The following CUBN variants were observed in gnomAD, a reference collection of about 807,000 sequenced individuals.
CUBN encodes the protein cubilin.
Under a neutral mutation model 405.3 loss-of-function variants are expected in CUBN, and 282 were observed. The ratio of observed to expected loss-of-function variants is 0.70; its 90% CI spans 0.63 to 0.77. The LOEUF is 0.77. Among genes scored for constraint, CUBN ranks in the 30% least tolerant of loss-of-function variants. CUBN has a pLI of 0.00. For missense variants in CUBN, 4,514 were observed against 4,475.2 expected, an observed-to-expected ratio of 1.01 and a Z score of -0.25; for synonymous variants, 1,684 against 1,617.0, an observed-to-expected ratio of 1.04 and a Z score of -0.99.
chr10:16,874,652 T>C, intron 57 of CUBN, 149 bp from the exon 58 acceptor site: 1 of 954,958 alleles, frequency 1.0e-6, no homozygotes, highest in South Asian at 1.5e-5. Flanking sequence ...CCCTTCATTG[T>C]GTTTACACAT....
chr10:17,063,385 C>A (rs1488917906), intron 22 of CUBN, among the ~76,000 whole-genome samples: 1 of 152,166 alleles, frequency 6.6e-6, no homozygotes, highest in Non-Finnish European at 1.5e-5. Flanking sequence ...CAGCCTTATG[C>A]AGACCAAATA....
chr10:16,965,589 A>AAAC (rs1184576084), intron 31 of CUBN: 1 of 153,016 alleles, frequency 6.5e-6, no homozygotes, highest in Non-Finnish European at 1.5e-5. Context: ...AAAAAAAAAA[A>AAAC]AAACAGGAAT....
At position 17,068,823 on chromosome 10, in the gene CUBN, G is replaced by A; in HGVS notation, c.2626-53C>T. 2.3e-6 allele frequency: 3 copies of A among 1,308,920 alleles called. 1 individual carries two copies. Among genetic ancestry groups the A allele is most frequent in the Non-Finnish European group, 2.2e-6 (2 of 908,752 alleles). The allele number at this position is 1,308,920 out of a possible 1,614,324, so 81.1% of individuals were successfully genotyped here. A position where few individuals can be genotyped will look rare whatever the true frequency, so the allele number is the denominator to read the frequency against. ...ATGTTGTATATCAATTTTGAAAACT[G>A]CTTCAAGAATAATTATTTCTGAAAT... On this transcript the variant is annotated intron_variant, in intron 19 of 66. Coordinates refer to ENST00000377833, the MANE Select transcript of CUBN (RefSeq NM_001081.4).
At chr10:16,882,251 G>T (rs1427369893) in intron 56 of CUBN, among the ~76,000 whole-genome samples, 2 of 152,146 alleles carry the variant, frequency 1.3e-5, no homozygotes, top group Non-Finnish European at 2.9e-5. Flanking sequence ...CACGTCATGG[G>T]ACCGGGAACT....
chr10:17,118,537 A>G (rs1189224552), intron 6 of CUBN, among the ~76,000 whole-genome samples: 1 of 152,192 alleles, frequency 6.6e-6, no homozygotes, highest in Non-Finnish European at 1.5e-5. Flanking sequence ...CCCAGGTTCA[A>G]GCGATCTTCC....
At chr10:16,909,976 G>A (rs372934791) in intron 48 of CUBN, among the ~76,000 whole-genome samples, 18 of 152,322 alleles carry the variant, frequency 1.2e-4, no homozygotes, top group African/African-American at 3.6e-4. Flanking sequence ...TATTAGCTAG[G>A]AAGCAGTGCA....
At chr10:16,913,087 G>C (rs1347951244) in intron 48 of CUBN, among the ~76,000 whole-genome samples, 1 of 152,122 alleles carries the variant, frequency 6.6e-6, no homozygotes, top group African/African-American at 2.4e-5. Context: ...GCCATATAGG[G>C]TGTGAGAGGA....
At chr10:17,020,758 T>C (rs1027326705) in intron 27 of CUBN, among the ~76,000 whole-genome samples, 5 of 152,190 alleles carry the variant, frequency 3.3e-5, no homozygotes, top group African/African-American at 9.6e-5. Context: ...AACCTTGGTG[T>C]AAAATGCCAC....
chr10:17,033,538 G>C (rs1334093634), intron 27 of CUBN, among the ~76,000 whole-genome samples: 3 of 152,190 alleles, frequency 2.0e-5, no homozygotes, highest in African/African-American at 4.8e-5. Flanking sequence ...TTAGGATAGT[G>C]ACAGCCTGAG....
chr10:17,053,653 G>A (rs1835322241), intron 22 of CUBN, among the ~76,000 whole-genome samples: 1 of 152,028 alleles, frequency 6.6e-6, no homozygotes, highest in Admixed American at 6.6e-5. Flanking sequence ...CTTTCTCTCA[G>A]TAACCGAAAA....
chr10:17,125,899 T>C (rs528404752), intron 4 of CUBN, among the ~76,000 whole-genome samples: 1 of 152,280 alleles, frequency 6.6e-6, no homozygotes, highest in South Asian at 2.1e-4. Flanking sequence ...CAATGTATTA[T>C]CTAAGTGGAG....
intron 66 of CUBN, among the ~76,000 whole-genome samples, chr10:16,827,341 T>C (rs1838813359): frequency 6.6e-6 from 1 of 152,180 alleles, no homozygotes; most frequent in African/African-American, 2.4e-5. Context: ...AAAATATGCA[T>C]GTAAAATATA....
intron 64 of CUBN, 68 bp downstream of exon 64, chr10:16,834,946 G>T: frequency 7.2e-7 from 1 of 1,385,178 alleles, no homozygotes; most frequent in African/African-American, 1.4e-5. Flanking sequence ...TAGATAAAAG[G>T]TGTAAAATCT....
At position 16,952,320 on chromosome 10, in the gene CUBN, G is replaced by A. The variant is rs1450105464; in HGVS notation, c.4925C>T (p.Pro1642Leu). The change falls in exon 33 of 67, where the codon CCA becomes CTA. Residue 1642 changes from proline to leucine, a missense_variant. Pro to Leu is a moderately conservative substitution (Grantham distance 98). Coordinates refer to ENST00000377833, the MANE Select transcript of CUBN (RefSeq NM_001081.4). Reference protein sequence around the residue: ...VSSPRFPANYPNNQNCSWIIQ... With the variant: ...VSSPRFPANYLNNQNCSWIIQ... Reference sequence around the variant, plus strand: ...GATCCAGCTGCAGTTCTGATTGTTTGGATAATTGGCAGGGAACCGTGGAGA... The same window carrying A: ...GATCCAGCTGCAGTTCTGATTGTTTAGATAATTGGCAGGGAACCGTGGAGA... 6.2e-7 allele frequency: 1 copy of A among 1,613,778 alleles called. No homozygotes were observed. Among genetic ancestry groups the A allele is most frequent in the Non-Finnish European group, 8.5e-7 (1 of 1,179,900 alleles).
intron 10 of CUBN, among the ~76,000 whole-genome samples, chr10:17,106,680 C>A (rs1236412438): frequency 2.6e-5 from 4 of 151,868 alleles, no homozygotes; most frequent in Admixed American, 2.6e-4. Context: ...GACAGCCTGT[C>A]CCGGCCAAGG....
chr10:16,989,987 A>G (rs998487660), intron 29 of CUBN, among the ~76,000 whole-genome samples: 12 of 152,200 alleles, frequency 7.9e-5, no homozygotes, highest in Non-Finnish European at 1.5e-4. Context: ...CAGTGCCTCC[A>G]CTGTGGTCCT....
intron 13 of CUBN, among the ~76,000 whole-genome samples, chr10:17,100,652 T>C (rs1302324627): frequency 6.6e-6 from 1 of 152,180 alleles, no homozygotes; most frequent in Non-Finnish European, 1.5e-5. Context: ...ATTCCCTGAA[T>C]AACCTGTGGC....
chr10:16,925,792 A>G lies in CUBN; in HGVS notation c.6272-18T>C, dbSNP rs751032933. 15 of 1,612,066 alleles carry G rather than the reference A, an allele frequency of 9.3e-6. No homozygotes were observed. In the South Asian group the frequency reaches 1.6e-4, roughly 18 times the overall value. ...ACCGCAGCCTTCCCACAAAGAAACA[A>G]AGGTCGGTTATTTAAATAGCATTGG... is the stretch of plus-strand genomic sequence containing the variant. On this transcript the variant is annotated intron_variant, in intron 41 of 66. Coordinates refer to ENST00000377833, the MANE Select transcript of CUBN (RefSeq NM_001081.4).
intron 28 of CUBN, among the ~76,000 whole-genome samples, chr10:17,017,417 T>TA (rs1442206465): frequency 6.6e-6 from 1 of 152,152 alleles, no homozygotes; most frequent in Non-Finnish European, 1.5e-5. Flanking sequence ...GAAAACCTGT[T>TA]AGAGTCCTAA....
Sources: allele counts gnomAD v4.1 joint callset (sites outside exome capture counted in the v4.1 genomes callset), GRCh38; gene constraint gnomAD v4.1.1; transcripts MANE v1.5; gene names NCBI Gene and HGNC (gene_info 2026-07-23, HGNC 2026-07-21).